The following SDC2 variants were observed in gnomAD, a reference collection of about 807,000 sequenced individuals.
SDC2 encodes syndecan 2, also known as syndecan-2.
A neutral mutation model predicts 22.2 loss-of-function variants in SDC2; 13 were observed. That is an observed-to-expected ratio of 0.59 (90% CI 0.38 to 0.93). SDC2 has a LOEUF of 0.93. Ranked by LOEUF, SDC2 falls within the 40% of genes least tolerant of loss-of-function variation. The probability of loss-of-function intolerance (pLI) is 0.00; values close to 1 mark genes in which losing one functional copy is unlikely to be tolerated. For missense variants in SDC2, 235 were observed against 246.8 expected (o/e 0.95, Z 0.32); for synonymous variants, 94 against 92.8 (o/e 1.01, Z -0.07).
intron 1 of SDC2, among the ~76,000 whole-genome samples, chr8:96,592,766 C>T (rs549679176): frequency 7.2e-5 from 11 of 152,342 alleles, no homozygotes; most frequent in Admixed American, 3.9e-4. Flanking sequence ...AGAATGTGCT[C>T]GTGTGGGTTT....
chr8:96,565,084 A>ATTTTTTTTTTTTTTTTTTTTTT, intron 1 of SDC2, among the ~76,000 whole-genome samples: 1,198 of 67,658 alleles, frequency 0.018, 261 homozygotes, highest in Non-Finnish European at 0.022. Context: ...CCTAAATTTG[A>ATTTTTTTTTTTTTTTTTTTTTT]TTTTTTTTTT....
intron 1 of SDC2, among the ~76,000 whole-genome samples, chr8:96,501,295 CTTTTTTTTTT>C (rs35998270): frequency 1.7e-3 from 93 of 55,160 alleles, no homozygotes; most frequent in African/African-American, 5.4e-3. Context: ...ATACGTATTT[CTTTTTTTTTT>C]TTTTTTTTTT....
chr8:96,605,243 G>T (rs1449356235), intron 3 of SDC2, among the ~76,000 whole-genome samples: 1 of 152,182 alleles, frequency 6.6e-6, no homozygotes, highest in Non-Finnish European at 1.5e-5. Context: ...AACTACTTAG[G>T]TCCATTTCAT....
intron 1 of SDC2, among the ~76,000 whole-genome samples, chr8:96,561,094 A>G (rs930493301): frequency 6.6e-6 from 1 of 152,340 alleles, no homozygotes; most frequent in African/African-American, 2.4e-5. Flanking sequence ...ACAAAGCAAG[A>G]TGCTGTCTCA....
intron 1 of SDC2, among the ~76,000 whole-genome samples, chr8:96,499,996 C>T (rs914272912): frequency 1.3e-5 from 2 of 152,148 alleles, no homozygotes. Context: ...TTGGTTGGCA[C>T]TCCTGAAGAA....
chr8:96,512,986 T>C (rs1401716550), intron 1 of SDC2, among the ~76,000 whole-genome samples: 1 of 151,062 alleles, frequency 6.6e-6, no homozygotes, highest in African/African-American at 2.4e-5. Context: ...GTTTTCTTAG[T>C]ATGTTTTTTA....
At chr8:96,522,363 G>T (rs1813509541) in intron 1 of SDC2, among the ~76,000 whole-genome samples, 1 of 150,908 alleles carries the variant, frequency 6.6e-6, no homozygotes, top group South Asian at 2.1e-4. Context: ...TTTTCAAGTG[G>T]TTACCTATTT....
chr8:96,500,481 G>A (rs1352612101), intron 1 of SDC2, among the ~76,000 whole-genome samples: 1 of 151,988 alleles, frequency 6.6e-6, no homozygotes, highest in East Asian at 1.9e-4. Context: ...GGCCAACATG[G>A]TGAAACCCCG....
chr8:96,542,313 T>C (rs1813863854), intron 1 of SDC2, among the ~76,000 whole-genome samples: 1 of 152,188 alleles, frequency 6.6e-6, no homozygotes, highest in African/African-American at 2.4e-5. Flanking sequence ...ATAGCCCACA[T>C]CATTTTTCAT....
intron 1 of SDC2, among the ~76,000 whole-genome samples, chr8:96,499,971 C>G (rs924316623): frequency 2.6e-5 from 4 of 152,208 alleles, no homozygotes; most frequent in Admixed American, 2.6e-4. Context: ...ACCCGTGGGC[C>G]TGGACATTTT....
chr8:96,535,382 T>G (rs1045551139), intron 1 of SDC2, among the ~76,000 whole-genome samples: 3 of 152,266 alleles, frequency 2.0e-5, no homozygotes, highest in African/African-American at 7.2e-5. Flanking sequence ...TTTGTTTATC[T>G]GGAATTCAGA....
intron 1 of SDC2, among the ~76,000 whole-genome samples, chr8:96,553,119 C>T (rs892086066): frequency 1.4e-4 from 22 of 151,946 alleles, no homozygotes; most frequent in East Asian, 1.9e-4. Flanking sequence ...GAGAAATTAC[C>T]GAAAGGCATA....
In SDC2 at chr8:96,527,627, A is replaced by C. The variant is rs767218335; in HGVS notation, c.60+33296A>C. Among the ~76,000 whole-genome samples the C allele has an allele frequency of 5.6e-4, 85 of 152,144 alleles. 1 individual carries two copies. The highest frequency in any genetic ancestry group is 4.8e-4 in the Non-Finnish European group (33 of 68,042). On this transcript the variant is annotated intron_variant, in intron 1 of 4. Transcript: ENST00000302190. ...GGGGGTCTCATAACCTACCAGTCCG[A>C]GTTAGACTTGTTGAGTCTTAAAACC...
chr8:96,593,580 C>A lies in SDC2; in HGVS notation c.161C>A (p.Ala54Glu). The change falls in exon 2 of 5, where the codon GCG (alanine) becomes GAG (glutamate). Residue 54 changes from alanine (A) to glutamate (E), a missense_variant. Physicochemically the swap from Ala to Glu is moderately radical, Grantham distance 107. Coordinates refer to ENST00000302190, the MANE Select transcript of SDC2 (RefSeq NM_002998.4). ...ATTGATGACGATGACTACGCTTCTG[C>A]GTCTGGCTCGGGTAAGGTGGCTGCT... ...YPIDDDDYAS[A>E]SGSGADEDVE... is the part of the protein sequence containing the mutation. The A allele has an allele frequency of 6.2e-7, 1 of 1,610,058 alleles. No individual in the cohort carries two copies. Among genetic ancestry groups the A allele is most frequent in the Non-Finnish European group, 8.5e-7 (1 of 1,176,454 alleles).
chr8:96,571,077 A>G (rs1239798947), intron 1 of SDC2, among the ~76,000 whole-genome samples: 3 of 152,236 alleles, frequency 2.0e-5, no homozygotes, highest in South Asian at 2.1e-4. Context: ...ATATTTTACT[A>G]CAACTTTAAA....
At chr8:96,608,814 A>G (rs554782984) in intron 4 of SDC2, among the ~76,000 whole-genome samples, 1 of 152,276 alleles carries the variant, frequency 6.6e-6, no homozygotes, top group East Asian at 1.9e-4. Context: ...TTTCAAAATA[A>G]AGAGAACGAA....
intron 1 of SDC2, among the ~76,000 whole-genome samples, chr8:96,584,268 A>T (rs1362344497): frequency 2.0e-5 from 3 of 152,236 alleles, no homozygotes; most frequent in Non-Finnish European, 4.4e-5. Flanking sequence ...AAGCCTGGAA[A>T]GGTGTGGTCT....
intron 1 of SDC2, among the ~76,000 whole-genome samples, chr8:96,525,255 G>A (rs1813559588): frequency 6.6e-6 from 1 of 152,178 alleles, no homozygotes; most frequent in African/African-American, 2.4e-5. Context: ...GATCCTGGCT[G>A]TCCTAGAGAA....
At chr8:96,550,526 A>G (rs1052934496) in intron 1 of SDC2, among the ~76,000 whole-genome samples, 1 of 151,980 alleles carries the variant, frequency 6.6e-6, no homozygotes, top group Non-Finnish European at 1.5e-5. Flanking sequence ...TGATGGTATT[A>G]TTATTGTTAA....
Sources: gnomAD v4.1 joint callset for allele counts (sites outside exome capture counted in the v4.1 genomes callset) on GRCh38, gnomAD v4.1.1 for gene constraint, MANE v1.5 for transcripts, NCBI Gene and HGNC (gene_info 2026-07-23, HGNC 2026-07-21) for gene names.